ZBTB20: variants seen among roughly 807,000 people sequenced by gnomAD.
ZBTB20 encodes the protein zinc finger and BTB domain-containing protein 20.
In ZBTB20, 9 loss-of-function variants were observed where a neutral mutation model predicts 56.9. The ratio of observed to expected loss-of-function variants is 0.16; its 90% confidence interval spans 0.10 to 0.28. The LOEUF is 0.28. Ranked by LOEUF, ZBTB20 falls within the 10% of genes least tolerant of loss-of-function variation. ZBTB20 has a pLI of 1.00. For synonymous variants in ZBTB20, 417 were observed against 420.7 expected, an observed-to-expected ratio of 0.99 and a Z score of 0.11; for missense variants, 655 against 1,003.0, an observed-to-expected ratio of 0.65 and a Z score of 4.69.
intron 6 of ZBTB20, among the ~76,000 whole-genome samples, chr3:114,682,209 T>C (rs1686589268): frequency 6.6e-6 from 1 of 152,084 alleles, no homozygotes; most frequent in African/African-American, 2.4e-5. Flanking sequence ...GTTCACAGTG[T>C]TTTACCAAAA....
At chr3:114,626,147 C>A (rs927650315) in intron 6 of ZBTB20, among the ~76,000 whole-genome samples, 1 of 152,162 alleles carries the variant, frequency 6.6e-6, no homozygotes, top group Non-Finnish European at 1.5e-5. Context: ...AATGAGGACC[C>A]ACCACATATT....
At chr3:114,652,814 A>G (rs906831892) in intron 6 of ZBTB20, among the ~76,000 whole-genome samples, 7 of 152,016 alleles carry the variant, frequency 4.6e-5, no homozygotes, top group Non-Finnish European at 8.8e-5. Context: ...TCATCTATAA[A>G]TAACGGATTT....
At chr3:114,872,236 A>G (rs986948713) in intron 4 of ZBTB20, among the ~76,000 whole-genome samples, 2 of 152,120 alleles carry the variant, frequency 1.3e-5, no homozygotes, top group African/African-American at 4.8e-5. Flanking sequence ...TCCATGCTAG[A>G]TACTGGGAAC....
At chr3:114,488,238 G>A (rs759977697) in intron 7 of ZBTB20, among the ~76,000 whole-genome samples, 6 of 152,216 alleles carry the variant, frequency 3.9e-5, no homozygotes, top group African/African-American at 1.4e-4. Flanking sequence ...CAGAGCTTGA[G>A]GTGGCCTTGG....
chr3:114,610,155 A>G (rs2057446920), intron 6 of ZBTB20, among the ~76,000 whole-genome samples: 1 of 152,116 alleles, frequency 6.6e-6, no homozygotes, highest in Non-Finnish European at 1.5e-5. Context: ...CCCATCAAAG[A>G]GCTGTGCCCT....
intron 3 of ZBTB20, among the ~76,000 whole-genome samples, chr3:114,969,433 T>C (rs1042521330): frequency 6.6e-6 from 1 of 152,034 alleles, no homozygotes; most frequent in Non-Finnish European, 1.5e-5. Context: ...AATTATACAA[T>C]AAAATAAATT....
intron 6 of ZBTB20, among the ~76,000 whole-genome samples, chr3:114,558,557 G>A (rs775616793): frequency 6.6e-6 from 1 of 151,954 alleles, no homozygotes; most frequent in Non-Finnish European, 1.5e-5. Flanking sequence ...AATTCTCCAC[G>A]AGGCAATGTA....
intron 4 of ZBTB20, among the ~76,000 whole-genome samples, chr3:114,848,393 G>C (rs1417039618): frequency 6.6e-6 from 1 of 152,202 alleles, no homozygotes; most frequent in East Asian, 1.9e-4. Flanking sequence ...AGCACTCTCT[G>C]TTTCAGTGCA....
intron 2 of ZBTB20, among the ~76,000 whole-genome samples, chr3:115,006,940 A>C (rs899787118): frequency 2.0e-5 from 3 of 151,898 alleles, no homozygotes; most frequent in African/African-American, 7.2e-5. Context: ...TTATTAAAAA[A>C]AACTCGAGGT....
chr3:114,721,539 C>A (rs765340924), intron 5 of ZBTB20, among the ~76,000 whole-genome samples: 1 of 152,232 alleles, frequency 6.6e-6, no homozygotes, highest in East Asian at 1.9e-4. Flanking sequence ...GTAGATTAAC[C>A]CATTAATCTC....
intron 4 of ZBTB20, among the ~76,000 whole-genome samples, chr3:114,883,605 T>A (rs1246177323): frequency 2.0e-5 from 3 of 152,226 alleles, no homozygotes; most frequent in Non-Finnish European, 4.4e-5. Flanking sequence ...GCTCACAAGT[T>A]AAAATAGTAA....
At chr3:114,378,841 T>A (rs2083970320) in intron 10 of ZBTB20, 1 of 152,300 alleles carries the variant, frequency 6.6e-6, no homozygotes, top group Non-Finnish European at 1.5e-5. Flanking sequence ...ATGTGACTAT[T>A]AGGACGGTCC....
At chr3:114,933,797 T>C (rs1036684637) in intron 3 of ZBTB20, among the ~76,000 whole-genome samples, 8 of 152,228 alleles carry the variant, frequency 5.3e-5, no homozygotes, top group African/African-American at 2.4e-5. Context: ...TCCCTAATCA[T>C]CTGTTTACTT....
chr3:114,330,835 C>CCAA lies in ZBTB20; in HGVS notation c.*8167_*8169dup, dbSNP rs984344215. Reference sequence around the variant, plus strand: ...AAACTGAATCCTGAATTCCAGGCCACCAAACCCTCAGAGTCCATTCATTCA... The same window carrying CCAA: ...AAACTGAATCCTGAATTCCAGGCCACCAACAAACCCTCAGAGTCCATTCATTCA... On this transcript the variant is annotated 3_prime_UTR_variant, in exon 12 of 12. Coordinates refer to ENST00000675478, the MANE Select transcript of ZBTB20 (RefSeq NM_001348800.3). 5.3e-5 allele frequency: 8 copies of CCAA among 152,132 alleles called. No homozygotes were observed. The highest frequency in any genetic ancestry group is 4.1e-4 in the South Asian group (2 of 4,832). The allele number at this position is 152,132 out of a possible 1,614,324, so 9.4% of individuals were successfully genotyped here.
intron 6 of ZBTB20, among the ~76,000 whole-genome samples, chr3:114,666,774 T>G (rs2061078011): frequency 6.6e-6 from 1 of 152,048 alleles, no homozygotes. Context: ...GTTCACTTTC[T>G]GTTTTAAAAC....
At chr3:114,606,070 T>G (rs1445788144) in intron 6 of ZBTB20, among the ~76,000 whole-genome samples, 1 of 152,180 alleles carries the variant, frequency 6.6e-6, no homozygotes, top group Non-Finnish European at 1.5e-5. Context: ...ACTGTACTTA[T>G]TGCACATATA....
chr3:115,094,329 C>CA (rs992537033), intron 1 of ZBTB20, among the ~76,000 whole-genome samples: 1 of 151,358 alleles, frequency 6.6e-6, no homozygotes, highest in Non-Finnish European at 1.5e-5. Flanking sequence ...GAAAAAAAAA[C>CA]AAAAAATTTA....
At chr3:114,474,807 C>A (rs144064783) in intron 7 of ZBTB20, among the ~76,000 whole-genome samples, 4 of 152,286 alleles carry the variant, frequency 2.6e-5, no homozygotes, top group African/African-American at 9.6e-5. Flanking sequence ...AGTTTGCCAT[C>A]TCTGTTCATT....
intron 6 of ZBTB20, among the ~76,000 whole-genome samples, chr3:114,691,085 C>A (rs1186287749): frequency 6.6e-6 from 1 of 152,042 alleles, no homozygotes; most frequent in Non-Finnish European, 1.5e-5. Context: ...TCTAGGCAAC[C>A]AAATTGCCCT....
Sources: gnomAD v4.1 joint callset for allele counts (sites outside exome capture counted in the v4.1 genomes callset) on GRCh38, gnomAD v4.1.1 for gene constraint, MANE v1.5 for transcripts, NCBI Gene and HGNC (gene_info 2026-07-23, HGNC 2026-07-21) for gene names.